TNFAIP6: variants seen among roughly 807,000 people sequenced by gnomAD.
The protein encoded by TNFAIP6 is TNF alpha induced protein 6.
In TNFAIP6, 36 loss-of-function variants were observed where a neutral mutation model predicts 33.7. That is an observed-to-expected ratio of 1.07 (90% CI 0.82 to 1.41). TNFAIP6 has a LOEUF of 1.41. Ranked by LOEUF, TNFAIP6 falls within the 40% of genes most tolerant of loss-of-function variation. TNFAIP6 has a pLI of 0.00. For synonymous variants in TNFAIP6, 113 were observed against 112.8 expected, an observed-to-expected ratio of 1.00 and a Z score of -0.01; for missense variants, 273 against 331.9, an observed-to-expected ratio of 0.82 and a Z score of 1.38.
chr2:151,362,872 A>G (rs1481131216), intron 1 of TNFAIP6, among the ~76,000 whole-genome samples: 1 of 152,162 alleles, frequency 6.6e-6, no homozygotes, highest in Non-Finnish European at 1.5e-5. Context: ...GAGCCTACAT[A>G]ATGGATCCAT....
chr2:151,362,828 T>C (rs994235378), intron 1 of TNFAIP6, among the ~76,000 whole-genome samples: 1 of 152,118 alleles, frequency 6.6e-6, no homozygotes, highest in African/African-American at 2.4e-5. Flanking sequence ...TTGCCCTCAA[T>C]TGGATATTTT....
Position 151,357,703 on chromosome 2 carries a change from G to A in TNFAIP6, c.37G>A (p.Glu13Lys), listed in dbSNP as rs1255173921. 6.2e-7 allele frequency: 1 copy of A among 1,612,886 alleles called. No homozygotes were observed. Among genetic ancestry groups the A allele is most frequent in the Non-Finnish European group, 8.5e-7 (1 of 1,178,970 alleles). Residue 13 changes from glutamate (E) to lysine (K), a missense_variant, in exon 1 of 6, where the codon GAA becomes AAA. Transcript: ENST00000243347. ...ILIYLFLLLWEDTQGWGFKDG... is the reference protein window; with the variant it reads ...ILIYLFLLLWKDTQGWGFKDG... The stretch of plus-strand genomic sequence containing the variant: ...AATTTACTTATTTCTCTTGCTATGG[G>A]AAGACACTCAAGGATGGGGATTCAA...
intron 5 of TNFAIP6, among the ~76,000 whole-genome samples, chr2:151,376,860 C>CTTTTTTTTTTTT (rs1256047816): frequency 8.8e-6 from 1 of 113,362 alleles, no homozygotes. Context: ...ATTTCTTTTT[C>CTTTTTTTTTTTT]TTTTCTTTTT....
intron 5 of TNFAIP6, among the ~76,000 whole-genome samples, chr2:151,373,927 G>T (rs1451653181): frequency 1.3e-5 from 2 of 152,004 alleles, no homozygotes; most frequent in Non-Finnish European, 2.9e-5. Flanking sequence ...TTGATAAAGG[G>T]TTGAAGTCAT....
chr2:151,370,142 A>G lies in TNFAIP6; in HGVS notation c.517A>G (p.Ile173Val). 6.2e-7 allele frequency: 1 copy of G among 1,614,172 alleles called. No individual in the cohort carries two copies. The change falls in exon 4 of 6, where the codon ATT becomes GTT. Residue 173 changes from isoleucine to valine, a missense_variant. Physicochemically the swap from Ile to Val is conservative, Grantham distance 29 (BLOSUM62 3). Coordinates refer to ENST00000243347, the MANE Select transcript of TNFAIP6 (RefSeq NM_007115.4). Reference sequence around the variant, plus strand: ...CATTAGACTCAAGTATGGTCAGCGTATTCACCTGAGTTTTTTAGATTTTGA... The same window carrying G: ...CATTAGACTCAAGTATGGTCAGCGTGTTCACCTGAGTTTTTTAGATTTTGA... Reference protein sequence around the residue: ...WHIRLKYGQRIHLSFLDFDLE... With the variant: ...WHIRLKYGQRVHLSFLDFDLE...
intron 5 of TNFAIP6, among the ~76,000 whole-genome samples, chr2:151,375,654 G>A (rs1325872077): frequency 6.6e-6 from 1 of 151,696 alleles, no homozygotes; most frequent in East Asian, 1.9e-4. Context: ...GTTGCAGTGA[G>A]CTGAGATTGT....
Position 151,363,797 on chromosome 2 carries a change from GAA to G in TNFAIP6, c.95-143_95-142del. Reference sequence around the variant, plus strand: ...TTTTTCCCCAAAGTTTCCTAACAGTGAAAACTTAGCTACCCAAGGCAGCCAAC... The same window carrying G: ...TTTTTCCCCAAAGTTTCCTAACAGTGAACTTAGCTACCCAAGGCAGCCAAC... On this transcript the variant is annotated intron_variant, in intron 1 of 5. Transcript: ENST00000243347. 4.7e-6 allele frequency: 4 copies of G among 854,778 alleles called. No individual in the cohort carries two copies. The East Asian group carries it at 9.4e-5, about 20-fold the overall frequency. 52.9% of individuals were successfully genotyped at this position (854,778 alleles called of 1,614,324 possible). A position where few individuals can be genotyped will look rare whatever the true frequency, so the allele number is the denominator to read the frequency against.
intron 3 of TNFAIP6, among the ~76,000 whole-genome samples, chr2:151,367,724 C>T (rs1684737474): frequency 6.6e-6 from 1 of 151,994 alleles, no homozygotes; most frequent in African/African-American, 2.4e-5. Flanking sequence ...TTTGTTTTTA[C>T]CCAATTCTCA....
At chr2:151,375,486 A>T (rs1299429831) in intron 5 of TNFAIP6, among the ~76,000 whole-genome samples, 1 of 152,172 alleles carries the variant, frequency 6.6e-6, no homozygotes, top group African/African-American at 2.4e-5. Flanking sequence ...AGGTGGGCGG[A>T]TCACCAGGTC....
At chr2:151,357,874 G>T in intron 1 of TNFAIP6, 114 bp downstream of exon 1, 1 of 598,830 alleles carries the variant, frequency 1.7e-6, no homozygotes, top group Non-Finnish European at 2.9e-6. Flanking sequence ...TGTTCTCAAA[G>T]AAAATGCTTA....
intron 2 of TNFAIP6, among the ~76,000 whole-genome samples, chr2:151,364,686 A>G (rs1162934248): frequency 6.6e-6 from 1 of 152,220 alleles, no homozygotes; most frequent in Non-Finnish European, 1.5e-5. Context: ...TTCTTTATAC[A>G]AAAGTGGATT....
At chr2:151,360,156 G>T (rs1684604491) in intron 1 of TNFAIP6, among the ~76,000 whole-genome samples, 1 of 152,022 alleles carries the variant, frequency 6.6e-6, no homozygotes, top group Admixed American at 6.6e-5. Flanking sequence ...CAATTAACTG[G>T]GTGTGGTGGT....
chr2:151,369,021 T>C (rs1684765563), intron 3 of TNFAIP6, among the ~76,000 whole-genome samples: 1 of 152,098 alleles, frequency 6.6e-6, no homozygotes, highest in South Asian at 2.1e-4. Flanking sequence ...GGCAAGACCC[T>C]ATCTCTACTA....
chr2:151,376,844 A>G (rs1454108752), intron 5 of TNFAIP6, among the ~76,000 whole-genome samples: 1 of 146,016 alleles, frequency 6.8e-6, no homozygotes, highest in Non-Finnish European at 1.5e-5. Flanking sequence ...TACAGTGCCA[A>G]TTTACATTTC....
intron 1 of TNFAIP6, among the ~76,000 whole-genome samples, chr2:151,360,714 C>T (rs1161580823): frequency 7.9e-5 from 12 of 152,136 alleles, no homozygotes; most frequent in African/African-American, 1.9e-4. Context: ...GGAAGTTTGG[C>T]GCTATTAGAG....
At chr2:151,365,988 G>T in intron 2 of TNFAIP6, 68 bp from the exon 3 acceptor site, 1 of 1,502,362 alleles carries the variant, frequency 6.7e-7, no homozygotes. Flanking sequence ...GGCTATCTTT[G>T]CTAAGATGAC....
chr2:151,374,099 T>C (rs1293666058), intron 5 of TNFAIP6, among the ~76,000 whole-genome samples: 1 of 152,146 alleles, frequency 6.6e-6, no homozygotes, highest in East Asian at 1.9e-4. Context: ...TCAAATAAAT[T>C]TGGAAAACGT....
chr2:151,377,208 C>T (rs907054181), intron 5 of TNFAIP6, among the ~76,000 whole-genome samples: 11 of 150,564 alleles, frequency 7.3e-5, no homozygotes, highest in South Asian at 2.1e-4. Context: ...CTCGCTCTGT[C>T]GCCCAGGCTG....
chr2:151,357,726 C>T lies in TNFAIP6; in HGVS notation c.60C>T (p.Phe20=). 1 of 1,612,288 alleles carries T rather than the reference C, an allele frequency of 6.2e-7. No individual in the cohort carries two copies. The highest frequency in any genetic ancestry group is 8.5e-7 in the Non-Finnish European group (1 of 1,178,460). Reference sequence around the variant, plus strand: ...GGGAAGACACTCAAGGATGGGGATTCAAGGATGGAATTTTTCATAACTCCA... The same window carrying T: ...GGGAAGACACTCAAGGATGGGGATTTAAGGATGGAATTTTTCATAACTCCA... ...LLWEDTQGWG[F]KDGIFHNSIW... is the part of the protein sequence containing the mutation. The change falls in exon 1 of 6, where the codon TTC becomes TTT. Residue 20 remains phenylalanine, a synonymous_variant. Transcript: ENST00000243347.
Sources: allele counts gnomAD v4.1 joint callset (sites outside exome capture counted in the v4.1 genomes callset), GRCh38; gene constraint gnomAD v4.1.1; transcripts MANE v1.5; gene names NCBI Gene and HGNC (gene_info 2026-07-23, HGNC 2026-07-21).